The following CLDN10 variants were observed in gnomAD, a reference collection of about 807,000 sequenced individuals.
CLDN10 encodes claudin 10, also known as claudin-10.
Under a neutral mutation model 22.9 loss-of-function variants are expected in CLDN10, and 15 were observed. That is an observed-to-expected ratio of 0.65 (90% confidence interval 0.44 to 1.01). The LOEUF (loss-of-function observed/expected upper bound fraction) is 1.01. Ranked by LOEUF, CLDN10 falls within the 50% of genes least tolerant of loss-of-function variation. The pLI, the probability that CLDN10 is intolerant of heterozygous loss-of-function variation, is 0.00. For missense variants in CLDN10, 247 were observed against 287.8 expected, an observed-to-expected ratio of 0.86 and a Z score of 1.03; for synonymous variants, 114 against 111.4, an observed-to-expected ratio of 1.02 and a Z score of -0.15.
At chr13:95,476,657 A>C (rs1406115980) in intron 1 of CLDN10, among the ~76,000 whole-genome samples, 5 of 152,154 alleles carry the variant, frequency 3.3e-5, no homozygotes, top group Non-Finnish European at 7.3e-5. Context: ...TGTGAAGGGC[A>C]AGGCTGGAAC....
In CLDN10 at chr13:95,578,082, C is replaced by G; in HGVS notation, c.*68C>G. ...CGAACTGTTCACAAAATGATCCCATCAAGGCCCTCCCATAATTAACACTCA... is the reference window on the plus strand; with the variant it reads ...CGAACTGTTCACAAAATGATCCCATGAAGGCCCTCCCATAATTAACACTCA... On this transcript the variant is annotated 3_prime_UTR_variant, in exon 5 of 5. Coordinates refer to ENST00000299339, the MANE Select transcript of CLDN10 (RefSeq NM_006984.5). The G allele has an allele frequency of 1.2e-6, 1 of 809,440 alleles. No homozygotes were observed. Among genetic ancestry groups the G allele is most frequent in the Non-Finnish European group, 2.0e-6 (1 of 492,444 alleles). 50.1% of individuals were successfully genotyped at this position (809,440 alleles called of 1,614,324 possible).
chr13:95,514,390 TACCCCACCC>T (rs2138568961), intron 1 of CLDN10, among the ~76,000 whole-genome samples: 1 of 151,474 alleles, frequency 6.6e-6, no homozygotes, highest in Admixed American at 6.6e-5. Flanking sequence ...TTCCCCCACC[TACCCCACCC>T]ACCCCACCCT....
intron 1 of CLDN10, chr13:95,479,746 T>C (rs527675440): frequency 2.0e-5 from 3 of 152,218 alleles, no homozygotes; most frequent in African/African-American, 4.8e-5. Flanking sequence ...AGGAACTTGA[T>C]CAAGGTCACA....
intron 1 of CLDN10, among the ~76,000 whole-genome samples, chr13:95,515,283 C>G (rs1260893119): frequency 6.6e-6 from 1 of 152,164 alleles, no homozygotes; most frequent in African/African-American, 2.4e-5. Context: ...ACTGCAACCT[C>G]CACTTCCTGG....
chr13:95,444,767 T>C (rs1319566159), intron 1 of CLDN10, among the ~76,000 whole-genome samples: 2 of 152,168 alleles, frequency 1.3e-5, no homozygotes, highest in Non-Finnish European at 2.9e-5. Context: ...TTAGTTTTGT[T>C]TTCATTGTTT....
At chr13:95,570,764 G>T (rs1331148465) in intron 3 of CLDN10, among the ~76,000 whole-genome samples, 1 of 150,014 alleles carries the variant, frequency 6.7e-6, no homozygotes, top group African/African-American at 2.5e-5. Context: ...TTGGCCCAAA[G>T]ATATGAAATT....
chr13:95,554,932 G>A lies in CLDN10; in HGVS notation c.220+1959G>A, dbSNP rs1594608797. On this transcript the variant is annotated intron_variant, in intron 1 of 4. Transcript: ENST00000299339. ...ATTCCACTGAGAAATGGTATCGTAA[G>A]AGCAGTAGAATACACGTGCATTTTA... Among the ~76,000 whole-genome samples the A allele has an allele frequency of 2.0e-5, 3 of 152,150 alleles. No individual in the cohort carries two copies. The South Asian group carries it at 6.2e-4, about 32-fold the overall frequency.
intron 1 of CLDN10, among the ~76,000 whole-genome samples, chr13:95,456,293 A>G (rs1008306390): frequency 5.3e-5 from 8 of 152,156 alleles, no homozygotes; most frequent in African/African-American, 1.9e-4. Context: ...GGTTCTGCCA[A>G]CGCTGCTTTC....
intron 3 of CLDN10, among the ~76,000 whole-genome samples, chr13:95,572,078 C>T (rs1476374003): frequency 1.3e-5 from 2 of 152,006 alleles, no homozygotes; most frequent in Non-Finnish European, 2.9e-5. Context: ...GGAGTGGCTG[C>T]TCTTTCCTTT....
intron 1 of CLDN10, among the ~76,000 whole-genome samples, chr13:95,448,757 A>G (rs532425455): frequency 1.7e-4 from 11 of 64,408 alleles, no homozygotes; most frequent in Non-Finnish European, 3.0e-4. Flanking sequence ...TTTTATTTTG[A>G]GGCAGATTCT....
upstream of CLDN10, among the ~76,000 whole-genome samples, chr13:95,547,726 C>T (rs563207733): frequency 1.3e-5 from 2 of 152,260 alleles, no homozygotes; most frequent in South Asian, 2.1e-4. Context: ...GCTATATCTC[C>T]CTGACTCTTA....
chr13:95,552,813 G>T lies in CLDN10; in HGVS notation c.60G>T (p.Leu20=), dbSNP rs1439949911. The T allele has an allele frequency of 6.2e-7, 1 of 1,614,022 alleles. No individual in the cohort carries two copies. Among genetic ancestry groups the T allele is most frequent in the South Asian group, 1.1e-5 (1 of 91,080 alleles). Residue 20 remains leucine, a synonymous_variant, in exon 1 of 5, where the codon CTG becomes CTT. Coordinates refer to ENST00000299339, the MANE Select transcript of CLDN10 (RefSeq NM_006984.5). ...AFMVSISGWV[L]VSSTLPTDYW... Reference sequence around the variant, plus strand: ...TGGTCTCCATCTCAGGCTGGGTACTGGTGTCCTCCACGCTGCCCACCGACT... The same window carrying T: ...TGGTCTCCATCTCAGGCTGGGTACTTGTGTCCTCCACGCTGCCCACCGACT...
At chr13:95,563,205 GAGAGGAGAGA>G (rs1318883977) in intron 3 of CLDN10, among the ~76,000 whole-genome samples, 4 of 138,332 alleles carry the variant, frequency 2.9e-5, no homozygotes, top group South Asian at 4.8e-4. Context: ...TGAGAGTTAA[GAGAGGAGAGA>G]GAGAGAGAGA....
At chr13:95,518,285 C>T (rs1209457795) in intron 1 of CLDN10, among the ~76,000 whole-genome samples, 1 of 152,168 alleles carries the variant, frequency 6.6e-6, no homozygotes, top group Non-Finnish European at 1.5e-5. Context: ...TCTTTATAGG[C>T]AGGGCCAAGA....
chr13:95,489,198 C>T (rs933637870), intron 1 of CLDN10, among the ~76,000 whole-genome samples: 1 of 152,006 alleles, frequency 6.6e-6, no homozygotes, highest in Admixed American at 6.6e-5. Flanking sequence ...ATCCACCTGC[C>T]TTGGCCTCCC....
chr13:95,443,083 T>C (rs997582904), intron 1 of CLDN10, among the ~76,000 whole-genome samples: 3 of 152,244 alleles, frequency 2.0e-5, no homozygotes, highest in Admixed American at 1.3e-4. Context: ...CCATTTTATA[T>C]ATAAAGCAGC....
chr13:95,570,743 T>C (rs553995630), intron 3 of CLDN10, among the ~76,000 whole-genome samples: 40 of 151,634 alleles, frequency 2.6e-4, no homozygotes, highest in Non-Finnish European at 5.3e-4. Flanking sequence ...AGATAACATA[T>C]TGGGGAGATA....
chr13:95,450,715 C>G (rs902806554), intron 1 of CLDN10, among the ~76,000 whole-genome samples: 3 of 152,240 alleles, frequency 2.0e-5, no homozygotes, highest in African/African-American at 7.2e-5. Flanking sequence ...CCCTCCCATT[C>G]TCCCTGGAGG....
intron 1 of CLDN10, among the ~76,000 whole-genome samples, chr13:95,492,789 T>C (rs2042887883): frequency 6.6e-6 from 1 of 152,140 alleles, no homozygotes; most frequent in Non-Finnish European, 1.5e-5. Flanking sequence ...TGGATCCCTG[T>C]GGTGTCAGGC....
Sources: allele counts gnomAD v4.1 joint callset (sites outside exome capture counted in the v4.1 genomes callset), GRCh38; gene constraint gnomAD v4.1.1; transcripts MANE v1.5; gene names NCBI Gene and HGNC (gene_info 2026-07-23, HGNC 2026-07-21).